SMC6: variants seen among roughly 807,000 people sequenced by gnomAD.
SMC6 encodes structural maintenance of chromosomes 6.
Under a neutral mutation model 142.2 loss-of-function variants are expected in SMC6, and 79 were observed. That is an observed-to-expected ratio of 0.56 (90% CI 0.46 to 0.67). The LOEUF (loss-of-function observed/expected upper bound fraction) is 0.67, where lower values mean the gene tolerates loss of function less well. SMC6 is among the 30% of genes least tolerant of loss of function. The probability of loss-of-function intolerance (pLI) is 0.00; values close to 1 mark genes in which losing one functional copy is unlikely to be tolerated. For synonymous variants in SMC6, 411 were observed against 412.4 expected, an observed-to-expected ratio of 1.00 and a Z score of 0.04; for missense variants, 1,072 against 1,284.0, an observed-to-expected ratio of 0.83 and a Z score of 2.52.
intron 27 of SMC6, among the ~76,000 whole-genome samples, chr2:17,666,064 T>C (rs1197269173): frequency 5.9e-5 from 9 of 152,166 alleles, no homozygotes; most frequent in East Asian, 1.9e-4. Flanking sequence ...TTTAGAAAGA[T>C]TGACATTTGT....
At chr2:17,671,608 CAAAAAA>C (rs373510441) in intron 25 of SMC6, among the ~76,000 whole-genome samples, 2 of 83,372 alleles carry the variant, frequency 2.4e-5, no homozygotes, top group Non-Finnish European at 4.6e-5. Flanking sequence ...GACCCCGTCT[CAAAAAA>C]AAAAAAAAAA....
chr2:17,720,897 T>G, intron 11 of SMC6, 43 bp downstream of exon 11: 2 of 1,495,712 alleles, frequency 1.3e-6, no homozygotes, highest in South Asian at 1.1e-5. Flanking sequence ...TGTAATTTCA[T>G]ATGATTCAAC....
intron 23 of SMC6, among the ~76,000 whole-genome samples, chr2:17,689,471 A>G (rs1288905856): frequency 1.3e-5 from 2 of 152,196 alleles, no homozygotes; most frequent in East Asian, 3.8e-4. Flanking sequence ...GAATATATTG[A>G]AGTACTAAGA....
intron 25 of SMC6, among the ~76,000 whole-genome samples, chr2:17,675,879 T>C (rs920601357): frequency 3.9e-5 from 6 of 152,114 alleles, no homozygotes; most frequent in Admixed American, 2.0e-4. Flanking sequence ...GTTGCTGAGG[T>C]TTCTGAATCT....
At chr2:17,716,329 G>T in intron 14 of SMC6, 65 bp from the exon 15 acceptor site, 2 of 1,482,294 alleles carry the variant, frequency 1.3e-6, no homozygotes, top group Non-Finnish European at 1.8e-6. Context: ...TTTAACCTTT[G>T]CCCATAACAC....
chr2:17,672,213 G>C (rs1197474519), intron 25 of SMC6, among the ~76,000 whole-genome samples: 2 of 152,056 alleles, frequency 1.3e-5, no homozygotes, highest in East Asian at 3.8e-4. Flanking sequence ...AGTAAATCTG[G>C]GGGATCTAGC....
In SMC6 at chr2:17,753,344, G is replaced by A. The variant is rs376689222; in HGVS notation, c.-92-280C>T. 1.1e-4 allele frequency among the ~76,000 whole-genome samples: 16 copies of A among 152,340 alleles called. No individual in the cohort carries two copies. The South Asian group carries it at 3.3e-3, about 32-fold the overall frequency. On this transcript the variant is annotated intron_variant, in intron 1 of 27. Transcript: ENST00000448223. ...GAGTCTGGGGACGGCCGCCTGGGAGGGGACGGCCGCCTGGGAGGGGACGGC... is the reference window on the plus strand; with the variant it reads ...GAGTCTGGGGACGGCCGCCTGGGAGAGGACGGCCGCCTGGGAGGGGACGGC...
intron 21 of SMC6, among the ~76,000 whole-genome samples, chr2:17,699,197 A>G (rs914308190): frequency 6.6e-6 from 1 of 151,856 alleles, no homozygotes; most frequent in African/African-American, 2.4e-5. Flanking sequence ...TTATCTGAGA[A>G]TATCTTGAAT....
chr2:17,750,642 T>C (rs995517457), intron 2 of SMC6, among the ~76,000 whole-genome samples: 8 of 152,162 alleles, frequency 5.3e-5, no homozygotes, highest in South Asian at 2.1e-4. Context: ...TAATTATTCA[T>C]AGAGAGTGAA....
intron 17 of SMC6, among the ~76,000 whole-genome samples, chr2:17,707,897 C>CGG (rs939477827): frequency 4.0e-5 from 6 of 151,116 alleles, no homozygotes; most frequent in African/African-American, 1.2e-4. Context: ...GGGGACAGAC[C>CGG]TTTACAACAA....
chr2:17,732,777 T>C (rs1012970613), intron 5 of SMC6, among the ~76,000 whole-genome samples: 1 of 151,966 alleles, frequency 6.6e-6, no homozygotes, highest in African/African-American at 2.4e-5. Context: ...TATTTTAAAA[T>C]AGTACAATGC....
chr2:17,709,094 G>A (rs1377718196), intron 16 of SMC6, among the ~76,000 whole-genome samples: 1 of 152,030 alleles, frequency 6.6e-6, no homozygotes, highest in Non-Finnish European at 1.5e-5. Flanking sequence ...AGTTGAGTAT[G>A]TTCCCCAACG....
Position 17,678,975 on chromosome 2 carries a change from A to T in SMC6, c.2805-11T>A. 1 of 1,588,358 alleles carries T rather than the reference A, an allele frequency of 6.3e-7. No homozygotes were observed. Among genetic ancestry groups the T allele is most frequent in the South Asian group, 1.1e-5 (1 of 88,918 alleles). On this transcript the variant is annotated splice_polypyrimidine_tract_variant and intron_variant, in intron 24 of 27. Coordinates refer to ENST00000448223, the MANE Select transcript of SMC6 (RefSeq NM_001142286.2). ...CGTAAAGTCAAACACCTTGAAATTTAAAAATTAGGCACATTAAAAAGAGGG... is the reference window on the plus strand; with the variant it reads ...CGTAAAGTCAAACACCTTGAAATTTTAAAATTAGGCACATTAAAAAGAGGG...
intron 13 of SMC6, 86 bp downstream of exon 13, chr2:17,717,002 A>G: frequency 6.6e-7 from 1 of 1,517,162 alleles, no homozygotes; most frequent in Non-Finnish European, 8.9e-7. Context: ...ATTAACAACA[A>G]TACATAAAAT....
chr2:17,698,031 G>A (rs1486862916), intron 21 of SMC6, among the ~76,000 whole-genome samples: 1 of 152,080 alleles, frequency 6.6e-6, no homozygotes, highest in Non-Finnish European at 1.5e-5. Flanking sequence ...GAAGGAGCCA[G>A]TAACAAAAGA....
At chr2:17,686,161 GT>G (rs1274519926) in intron 23 of SMC6, among the ~76,000 whole-genome samples, 1 of 152,036 alleles carries the variant, frequency 6.6e-6, no homozygotes, top group Non-Finnish European at 1.5e-5. Context: ...TCTCATACAG[GT>G]TGAGCATTCC....
intron 25 of SMC6, among the ~76,000 whole-genome samples, chr2:17,672,964 C>A (rs990956839): frequency 9.2e-5 from 14 of 152,244 alleles, no homozygotes; most frequent in African/African-American, 3.4e-4. Flanking sequence ...AAGAATGGAG[C>A]TGCTTTAACA....
chr2:17,696,476 A>G, intron 21 of SMC6, 50 bp from the exon 22 acceptor site: 1 of 1,577,568 alleles, frequency 6.3e-7, no homozygotes, highest in Admixed American at 1.9e-5. Context: ...AATTTCCAGC[A>G]TAGGTATAAA....
chr2:17,732,135 A>C (rs146949947), intron 5 of SMC6, among the ~76,000 whole-genome samples: 327 of 152,374 alleles, frequency 2.1e-3, no homozygotes, highest in African/African-American at 7.3e-3. Context: ...TCATAGAAAT[A>C]GCACATCTGC....
Sources: gnomAD v4.1 joint callset for allele counts (sites outside exome capture counted in the v4.1 genomes callset) on GRCh38, gnomAD v4.1.1 for gene constraint, MANE v1.5 for transcripts, NCBI Gene and HGNC (gene_info 2026-07-23, HGNC 2026-07-21) for gene names.